Variants in ATP13A4 observed in about 807,000 individuals in gnomAD.
ATP13A4 encodes the protein probable cation-transporting ATPase 13A4.
Under a neutral mutation model 142.5 loss-of-function variants are expected in ATP13A4, and 114 were observed. The observed-to-expected ratio is 0.80, with a 90% CI of 0.69 to 0.93. The LOEUF (loss-of-function observed/expected upper bound fraction) is 0.93. Among genes scored for constraint, ATP13A4 ranks in the 40% least tolerant of loss-of-function variants. The pLI, the probability that ATP13A4 is intolerant of heterozygous loss-of-function variation, is 0.00. For missense variants in ATP13A4, 1,392 were observed against 1,454.0 expected, an observed-to-expected ratio of 0.96 and a Z score of 0.69; for synonymous variants, 488 against 514.8, an observed-to-expected ratio of 0.95 and a Z score of 0.70.
chr3:193,530,443 T>A (rs368160161), intron 1 of ATP13A4, among the ~76,000 whole-genome samples: 10 of 152,210 alleles, frequency 6.6e-5, no homozygotes, highest in East Asian at 3.9e-4. Flanking sequence ...ACTGGTATGA[T>A]TCAGAAATCT....
intron 12 of ATP13A4, among the ~76,000 whole-genome samples, chr3:193,464,316 TC>T (rs1206985246): frequency 6.6e-6 from 1 of 152,188 alleles, no homozygotes; most frequent in East Asian, 1.9e-4. Flanking sequence ...GAAAGGCATT[TC>T]CATCTTATTC....
intron 28 of ATP13A4, 113 bp from the exon 29 acceptor site, chr3:193,407,506 ATG>A (rs1714564201): frequency 1.4e-6 from 1 of 738,894 alleles, no homozygotes; most frequent in African/African-American, 1.8e-5. Context: ...TGTAATATAT[ATG>A]TGTGTATATT....
At chr3:193,491,479 T>G in intron 5 of ATP13A4, 81 bp from the exon 6 acceptor site, 1 of 1,016,104 alleles carries the variant, frequency 9.8e-7, no homozygotes, top group Non-Finnish European at 1.6e-6. Context: ...AAAAGGTCTA[T>G]TCCATGTTCA....
intron 29 of ATP13A4, among the ~76,000 whole-genome samples, chr3:193,407,110 C>G (rs1714536132): frequency 6.6e-6 from 1 of 152,106 alleles, no homozygotes; most frequent in Admixed American, 6.5e-5. Flanking sequence ...TTCTCCCCCG[C>G]CCTACTTGAC....
intron 8 of ATP13A4, among the ~76,000 whole-genome samples, chr3:193,475,182 GA>G (rs1560214985): frequency 6.6e-6 from 1 of 152,048 alleles, no homozygotes; most frequent in Non-Finnish European, 1.5e-5. Flanking sequence ...GCAAAAATAT[GA>G]AAAGACATAT....
chr3:193,421,719 T>G (rs1418916890), intron 25 of ATP13A4, among the ~76,000 whole-genome samples: 1 of 149,972 alleles, frequency 6.7e-6, no homozygotes, highest in African/African-American at 2.4e-5. Context: ...TTGTTTTCAG[T>G]GTAAAACAGT....
Position 193,454,184 on chromosome 3 carries a change from C to G in ATP13A4, c.1944G>C (p.Gln648His). 1 of 1,613,952 alleles carries G rather than the reference C, an allele frequency of 6.2e-7. No homozygotes were observed. The highest frequency in any genetic ancestry group is 8.5e-7 in the Non-Finnish European group (1 of 1,179,824). ...TVPTSFVSEL[Q>H]IYTTQGFRVI... The stretch of plus-strand genomic sequence containing the variant: ...CTCGGAAGCCCTGTGTCGTGTAAAT[C>G]TGAAGTTCGCTAACAAAACTAGTGG... The change falls in exon 17 of 30, where the codon CAG (glutamine) becomes CAC (histidine). Residue 648 changes from glutamine (Q) to histidine (H), a missense_variant. Physicochemically the swap from Gln to His is conservative, Grantham distance 24. Coordinates refer to ENST00000342695, the MANE Select transcript of ATP13A4 (RefSeq NM_032279.4).
chr3:193,466,023 A>ACC lies in ATP13A4; in HGVS notation c.1272_1272+1dup. ...TTTAATAAAAGAGCAAAGACAGCTT[A>ACC]CCCCACTAAGCACATAGACACACAG... On this transcript the variant is annotated splice_donor_variant, in intron 11 of 29. Transcript: ENST00000342695. LOFTEE classifies it high-confidence loss of function. 1 of 1,614,008 alleles carries ACC rather than the reference A, an allele frequency of 6.2e-7. No individual in the cohort carries two copies. The highest frequency in any genetic ancestry group is 8.5e-7 in the Non-Finnish European group (1 of 1,179,900).
At chr3:193,465,808 A>C (rs1288779331) in intron 11 of ATP13A4, among the ~76,000 whole-genome samples, 1 of 152,238 alleles carries the variant, frequency 6.6e-6, no homozygotes, top group Non-Finnish European at 1.5e-5. Flanking sequence ...ATCAATAAAC[A>C]GATTGTTTTA....
At chr3:193,412,439 A>G in intron 26 of ATP13A4, 68 bp from the exon 27 acceptor site, 2 of 1,459,278 alleles carry the variant, frequency 1.4e-6, no homozygotes, top group Non-Finnish European at 1.9e-6. Flanking sequence ...TTGTATCCAG[A>G]AGATTCCATA....
chr3:193,459,719 G>A (rs1346065647), intron 13 of ATP13A4, among the ~76,000 whole-genome samples: 2 of 152,178 alleles, frequency 1.3e-5, no homozygotes, highest in African/African-American at 2.4e-5. Context: ...GATTACAGGC[G>A]TGAGCCACTG....
chr3:193,418,857 A>G (rs1161522309), intron 25 of ATP13A4: 1 of 150,358 alleles, frequency 6.7e-6, no homozygotes, highest in African/African-American at 2.5e-5. Flanking sequence ...ATGACCCCCT[A>G]CCAGCCTTGA....
chr3:193,426,699 T>C (rs1715685996), intron 25 of ATP13A4, among the ~76,000 whole-genome samples: 2 of 151,886 alleles, frequency 1.3e-5, no homozygotes, highest in South Asian at 2.1e-4. Context: ...CCCATACATC[T>C]ATGGCCAACT....
chr3:193,504,663 T>C (rs1485184391), intron 2 of ATP13A4, among the ~76,000 whole-genome samples: 1 of 152,182 alleles, frequency 6.6e-6, no homozygotes, highest in Non-Finnish European at 1.5e-5. Flanking sequence ...AAATATAATT[T>C]GATTGGACTG....
chr3:193,410,482 G>A (rs1250835143), intron 28 of ATP13A4, among the ~76,000 whole-genome samples: 1 of 152,204 alleles, frequency 6.6e-6, no homozygotes, highest in Non-Finnish European at 1.5e-5. Context: ...GGAGGCCAAG[G>A]CAGGAGGCTA....
upstream of ATP13A4, among the ~76,000 whole-genome samples, chr3:193,558,248 G>A (rs756190744): frequency 1.3e-5 from 2 of 152,158 alleles, no homozygotes; most frequent in Non-Finnish European, 2.9e-5. Flanking sequence ...TAGGAACATT[G>A]TTTGAAAAGT....
intron 1 of ATP13A4, among the ~76,000 whole-genome samples, chr3:193,589,793 C>T (rs567109490): frequency 6.6e-6 from 1 of 152,266 alleles, no homozygotes; most frequent in Non-Finnish European, 1.5e-5. Context: ...CCTTCCTTGA[C>T]TCTGCCCTTC....
At chr3:193,520,838 G>A (rs1721676867) in intron 1 of ATP13A4, among the ~76,000 whole-genome samples, 1 of 152,196 alleles carries the variant, frequency 6.6e-6, no homozygotes, top group Non-Finnish European at 1.5e-5. Flanking sequence ...GGAACAAAAT[G>A]AACTGGCCAC....
chr3:193,419,677 A>G (rs1453157735), intron 25 of ATP13A4, among the ~76,000 whole-genome samples: 2 of 149,790 alleles, frequency 1.3e-5, no homozygotes, highest in African/African-American at 2.5e-5. Flanking sequence ...AGTACTCCAC[A>G]TCCCAGGGAA....
Sources: gnomAD v4.1 joint callset for allele counts (sites outside exome capture counted in the v4.1 genomes callset) on GRCh38, gnomAD v4.1.1 for gene constraint, MANE v1.5 for transcripts, NCBI Gene and HGNC (gene_info 2026-07-23, HGNC 2026-07-21) for gene names.